Variants in MTHFD2L observed in about 807,000 individuals in gnomAD.
The protein encoded by MTHFD2L is bifunctional methylenetetrahydrofolate dehydrogenase/cyclohydrolase 2, mitochondrial.
In MTHFD2L, 29 loss-of-function variants were observed where a neutral mutation model predicts 34.9. That is an observed-to-expected ratio of 0.83 (90% CI 0.62 to 1.13). The LOEUF is 1.13. Among genes scored for constraint, MTHFD2L ranks in the 50% most tolerant of loss-of-function variants. The pLI is 0.00. For synonymous variants in MTHFD2L, 167 were observed against 155.7 expected (o/e 1.07, Z -0.54); for missense variants, 481 against 446.5 (o/e 1.08, Z -0.70).
intron 6 of MTHFD2L, among the ~76,000 whole-genome samples, chr4:74,276,753 C>T (rs1332539552): frequency 1.3e-5 from 2 of 152,052 alleles, no homozygotes; most frequent in Admixed American, 6.6e-5. Context: ...TGCAAGACAG[C>T]AGTGTAAGTA....
At chr4:74,198,832 A>G (rs1245523864) in intron 3 of MTHFD2L, among the ~76,000 whole-genome samples, 1 of 151,666 alleles carries the variant, frequency 6.6e-6, no homozygotes, top group African/African-American at 2.4e-5. Flanking sequence ...GAATACTTTT[A>G]TATATTTCAA....
chr4:74,261,297 A>G (rs1300120122), intron 6 of MTHFD2L, among the ~76,000 whole-genome samples: 1 of 152,012 alleles, frequency 6.6e-6, no homozygotes, highest in African/African-American at 2.4e-5. Context: ...GCTGAATACA[A>G]TAACAACGTA....
intron 6 of MTHFD2L, among the ~76,000 whole-genome samples, chr4:74,258,091 G>A (rs975345018): frequency 3.9e-5 from 6 of 151,992 alleles, no homozygotes; most frequent in African/African-American, 1.4e-4. Context: ...ACAAATGTTA[G>A]CAAGGATGTG....
chr4:74,280,776 T>C (rs1162026789), intron 6 of MTHFD2L, among the ~76,000 whole-genome samples: 2 of 151,988 alleles, frequency 1.3e-5, no homozygotes, highest in African/African-American at 4.8e-5. Context: ...GAGGAGAGCT[T>C]ACTATACATG....
chr4:74,117,886 T>C (rs903776131), intron 2 of MTHFD2L, among the ~76,000 whole-genome samples: 1 of 152,222 alleles, frequency 6.6e-6, no homozygotes, highest in Non-Finnish European at 1.5e-5. Flanking sequence ...TCCTGTCCAT[T>C]TGCTTCCATG....
chr4:74,206,134 T>TA (rs77020635), intron 5 of MTHFD2L, among the ~76,000 whole-genome samples: 12,232 of 126,266 alleles, frequency 0.097, 1,192 homozygotes, highest in African/African-American at 0.27. Context: ...CCAAAACTAG[T>TA]AAAAAAAAAA....
chr4:74,210,384 T>C lies in MTHFD2L; in HGVS notation c.712+9014T>C, dbSNP rs570409797. 4.2e-4 allele frequency among the ~76,000 whole-genome samples: 64 copies of C among 152,176 alleles called. 2 individuals carry two copies. The South Asian group carries it at 0.012, about 29-fold the overall frequency. On this transcript the variant is annotated intron_variant, in intron 5 of 7. Coordinates refer to ENST00000325278, the MANE Select transcript of MTHFD2L (RefSeq NM_001144978.3). ...TTTTTGTATGAGATGTAAGGAAAGG[T>C]TCCAGTTTCAGTTTTCTGCATATGG...
At position 74,129,814 on chromosome 4, in the gene MTHFD2L, A is replaced by G. The variant is rs541140583; in HGVS notation, c.-297+4297A>G. Among the ~76,000 whole-genome samples, 87 of 152,224 alleles carry G rather than the reference A, an allele frequency of 5.7e-4. 1 individual carries two copies. The South Asian group carries it at 0.017, about 30-fold the overall frequency. ...TCCTGGAGCTGTTTTTTTTGAAAAG[A>G]TTAACAAAATAGATAGACCACTAGC... is the stretch of plus-strand genomic sequence containing the variant. On this transcript the variant is annotated intron_variant, in intron 1 of 7. Coordinates refer to the MTHFD2L transcript ENST00000433372.
intron 3 of MTHFD2L, among the ~76,000 whole-genome samples, chr4:74,197,477 A>G (rs765109887): frequency 1.3e-5 from 2 of 152,172 alleles, no homozygotes; most frequent in Non-Finnish European, 2.9e-5. Flanking sequence ...TTGGAGCCCT[A>G]GGAGAAACAA....
At chr4:74,251,865 C>G (rs1743353724) in intron 6 of MTHFD2L, among the ~76,000 whole-genome samples, 1 of 152,108 alleles carries the variant, frequency 6.6e-6, no homozygotes, top group Non-Finnish European at 1.5e-5. Flanking sequence ...CATAGTTGTT[C>G]TAGAAAACAA....
intron 1 of MTHFD2L, among the ~76,000 whole-genome samples, chr4:74,129,615 C>T (rs1190276402): frequency 6.6e-6 from 1 of 152,116 alleles, no homozygotes; most frequent in Non-Finnish European, 1.5e-5. Flanking sequence ...GCACTAAATG[C>T]CCACAGGAGA....
chr4:74,210,462 C>CT (rs1236484409), intron 5 of MTHFD2L, among the ~76,000 whole-genome samples: 5 of 151,954 alleles, frequency 3.3e-5, no homozygotes, highest in Non-Finnish European at 5.9e-5. Flanking sequence ...TTCCCCATTA[C>CT]TTTTTTTTGT....
upstream of MTHFD2L, among the ~76,000 whole-genome samples, chr4:74,122,585 C>A (rs1041170343): frequency 2.6e-5 from 4 of 152,134 alleles, no homozygotes; most frequent in African/African-American, 9.7e-5. Flanking sequence ...GAGAGGTACA[C>A]AACAGCACCC....
intron 1 of MTHFD2L, among the ~76,000 whole-genome samples, chr4:74,145,687 A>G (rs1172632994): frequency 6.6e-6 from 1 of 152,122 alleles, no homozygotes; most frequent in Non-Finnish European, 1.5e-5. Flanking sequence ...TCAAATTGTT[A>G]CTCCCAATGT....
intron 5 of MTHFD2L, among the ~76,000 whole-genome samples, chr4:74,213,819 T>G (rs1736739747): frequency 6.6e-6 from 1 of 152,222 alleles, no homozygotes; most frequent in East Asian, 1.9e-4. Context: ...TTGGTTCCAT[T>G]CTCCCTGTCA....
chr4:74,118,201 C>G (rs935224110), intron 2 of MTHFD2L, among the ~76,000 whole-genome samples: 2 of 152,048 alleles, frequency 1.3e-5, no homozygotes, highest in East Asian at 3.9e-4. Flanking sequence ...ATATCAAAAA[C>G]TAAACACTTA....
intron 6 of MTHFD2L, among the ~76,000 whole-genome samples, chr4:74,251,825 G>A (rs1182030625): frequency 6.6e-6 from 1 of 152,120 alleles, no homozygotes; most frequent in South Asian, 2.1e-4. Context: ...ATTTCCAGTA[G>A]CAAACAAAAC....
intron 6 of MTHFD2L, among the ~76,000 whole-genome samples, chr4:74,239,541 C>T (rs371586281): frequency 8.6e-5 from 13 of 151,374 alleles, no homozygotes; most frequent in African/African-American, 3.1e-4. Flanking sequence ...ACATTTCCCC[C>T]ACATTTATTT....
intron 6 of MTHFD2L, among the ~76,000 whole-genome samples, chr4:74,251,128 T>C (rs1054280935): frequency 1.3e-5 from 2 of 152,188 alleles, no homozygotes; most frequent in South Asian, 4.1e-4. Context: ...CAGACTCATC[T>C]CTCCTCTAAC....
Sources: gnomAD v4.1 joint callset for allele counts (sites outside exome capture counted in the v4.1 genomes callset) on GRCh38, gnomAD v4.1.1 for gene constraint, MANE v1.5 for transcripts, NCBI Gene and HGNC (gene_info 2026-07-23, HGNC 2026-07-21) for gene names.